PDE5A: variants seen among roughly 807,000 people sequenced by gnomAD.
PDE5A encodes the protein cGMP-specific 3',5'-cyclic phosphodiesterase.
Under a neutral mutation model 110.2 loss-of-function variants are expected in PDE5A, and 67 were observed. That is an observed-to-expected ratio of 0.61 (90% CI 0.50 to 0.75). The LOEUF is 0.75. Among genes scored for constraint, PDE5A ranks in the 30% least tolerant of loss-of-function variants. The probability of loss-of-function intolerance (pLI) is 0.00; values close to 1 mark genes in which losing one functional copy is unlikely to be tolerated. For synonymous variants in PDE5A, 328 were observed against 351.2 expected (o/e 0.93, Z 0.74); for missense variants, 862 against 1,045.1 (o/e 0.82, Z 2.42).
In PDE5A at chr4:119,627,235, A is replaced by T; in HGVS notation, c.152+1285T>A. The T allele has an allele frequency of 6.2e-7, 1 of 1,607,858 alleles. No individual in the cohort carries two copies. The highest frequency in any genetic ancestry group is 8.5e-7 in the Non-Finnish European group (1 of 1,176,758). The stretch of plus-strand genomic sequence containing the variant: ...GATCCTGGACTCCAGGAGGCTCCGT[A>T]GGGGCAACAACGCGCGCAGGTGAGG... On this transcript the variant is annotated intron_variant, in intron 1 of 20. Transcript: ENST00000354960. This position sits in a 1 kb window ranked among gnomAD's most constrained non-coding sequence, Gnocchi z 4.6.
rs748084595 is a variant in PDE5A at position 119,497,406 on chromosome 4, A to T, written c.*1195T>A. The T allele has an allele frequency of 6.6e-6, 1 of 152,146 alleles. No individual in the cohort carries two copies. Among genetic ancestry groups the T allele is most frequent in the Non-Finnish European group, 1.5e-5 (1 of 68,024 alleles). 9.4% of individuals were successfully genotyped at this position (152,146 alleles called of 1,614,324 possible). On this transcript the variant is annotated 3_prime_UTR_variant, in exon 21 of 21. Transcript: ENST00000354960. ...TCTAAGAAAATATTAACTATACTAAATGTTATGGGAAGAAAATACATTGAA... is the reference window on the plus strand; with the variant it reads ...TCTAAGAAAATATTAACTATACTAATTGTTATGGGAAGAAAATACATTGAA...
chr4:119,614,677 C>T lies in PDE5A; in HGVS notation c.153-7380G>A, dbSNP rs542309741. Among the ~76,000 whole-genome samples the T allele has an allele frequency of 5.5e-4, 84 of 152,248 alleles. 1 individual carries two copies. In the South Asian group the frequency reaches 0.016, roughly 28 times the overall value. ...CCTTAAATCAAGTTCATTCATTTTG[C>T]TCTAAAACCATCCCACATAATGTAT... On this transcript the variant is annotated intron_variant, in intron 1 of 20. Transcript: ENST00000354960.
rs1730372305 is a variant in PDE5A at position 119,627,041 on chromosome 4, T to C, written c.152+1479A>G. 4.1e-6 allele frequency: 5 copies of C among 1,232,282 alleles called. No individual in the cohort carries two copies. The highest frequency in any genetic ancestry group is 5.9e-6 in the Non-Finnish European group (5 of 852,240). The allele number at this position is 1,232,282 out of a possible 1,614,324, so 76.3% of individuals were successfully genotyped here. On this transcript the variant is annotated intron_variant, in intron 1 of 20. Coordinates refer to ENST00000354960, the MANE Select transcript of PDE5A (RefSeq NM_001083.4). The surrounding 1 kb of genome is among the most constrained non-coding windows in gnomAD (Gnocchi z 4.6). ...CAAAAGTTATACAGTCAATTTTCAATGATACATCGTCCCACTGGTGCCACC... is the reference window on the plus strand; with the variant it reads ...CAAAAGTTATACAGTCAATTTTCAACGATACATCGTCCCACTGGTGCCACC...
chr4:119,510,428 TACAC>T (rs1329195351), intron 15 of PDE5A, among the ~76,000 whole-genome samples: 5 of 152,142 alleles, frequency 3.3e-5, no homozygotes, highest in African/African-American at 9.6e-5. Context: ...AGGTAATACA[TACAC>T]ACAGCCGACA....
chr4:119,538,932 A>T (rs769806108), intron 11 of PDE5A, 28 bp downstream of exon 11: 1 of 1,566,820 alleles, frequency 6.4e-7, no homozygotes, highest in Non-Finnish European at 8.8e-7. Flanking sequence ...TGTAATTAGT[A>T]ATTTTTAAAA....
At chr4:119,614,627 A>G (rs542812706) in intron 1 of PDE5A, among the ~76,000 whole-genome samples, 1 of 152,314 alleles carries the variant, frequency 6.6e-6, no homozygotes, top group East Asian at 1.9e-4. Context: ...CATAACTTGC[A>G]ATAAAACTAG....
At position 119,627,941 on chromosome 4, in the gene PDE5A, A is replaced by C; in HGVS notation, c.152+579T>G. 3.7e-6 allele frequency: 2 copies of C among 540,724 alleles called. No homozygotes were observed. Among genetic ancestry groups the C allele is most frequent in the Non-Finnish European group, 4.7e-6 (2 of 423,026 alleles). 33.5% of individuals were successfully genotyped at this position (540,724 alleles called of 1,614,324 possible). On this transcript the variant is annotated intron_variant, in intron 1 of 20. Coordinates refer to ENST00000354960, the MANE Select transcript of PDE5A (RefSeq NM_001083.4). This position sits in a 1 kb window ranked among gnomAD's most constrained non-coding sequence, Gnocchi z 4.6. ...CTTCGGCGGAAAAGCGAGTGAAAGGAGGCGCGCGGGACAAGCAGGAGACTG... is the reference window on the plus strand; with the variant it reads ...CTTCGGCGGAAAAGCGAGTGAAAGGCGGCGCGCGGGACAAGCAGGAGACTG...
At chr4:119,569,191 C>A (rs895474314) in intron 3 of PDE5A, among the ~76,000 whole-genome samples, 3 of 151,920 alleles carry the variant, frequency 2.0e-5, no homozygotes, top group African/African-American at 7.3e-5. Context: ...GCATGTACTA[C>A]CATGCCTGGT....
chr4:119,522,949 C>T (rs544194784), intron 12 of PDE5A, among the ~76,000 whole-genome samples: 3 of 151,474 alleles, frequency 2.0e-5, no homozygotes, highest in African/African-American at 7.3e-5. Context: ...AAGATGCCAC[C>T]GGAGAAAAAG....
Position 119,583,314 on chromosome 4 carries a change from G to C in PDE5A, c.831+13209C>G, listed in dbSNP as rs1728651951. On this transcript the variant is annotated intron_variant, in intron 3 of 20. Transcript: ENST00000354960. The stretch of plus-strand genomic sequence containing the variant: ...GCTAGCTTCTAACTTTTCTTCTGAA[G>C]CTTCCTTACCTCTCTCAGCCTTCAC... 2.6e-5 allele frequency among the ~76,000 whole-genome samples: 4 copies of C among 152,216 alleles called. 1 individual carries two copies. Among genetic ancestry groups the C allele is most frequent in the Admixed American group, 2.6e-4 (4 of 15,288 alleles).
chr4:119,557,181 A>G (rs1458962829), intron 7 of PDE5A, among the ~76,000 whole-genome samples: 1 of 152,182 alleles, frequency 6.6e-6, no homozygotes, highest in South Asian at 2.1e-4. Flanking sequence ...TTCTCACAGT[A>G]AATTTCAGCT....
At chr4:119,582,297 C>T (rs1728614447) in intron 3 of PDE5A, among the ~76,000 whole-genome samples, 1 of 152,214 alleles carries the variant, frequency 6.6e-6, no homozygotes, top group African/African-American at 2.4e-5. Context: ...CTTTGCTCAT[C>T]TATAAGAAGC....
chr4:119,545,447 A>T (rs1357909717), intron 9 of PDE5A, among the ~76,000 whole-genome samples: 1 of 152,218 alleles, frequency 6.6e-6, no homozygotes, highest in Non-Finnish European at 1.5e-5. Context: ...CCAAAAATAA[A>T]AGAGAACCAT....
chr4:119,532,886 T>G (rs1187042358), intron 11 of PDE5A, among the ~76,000 whole-genome samples: 2 of 152,168 alleles, frequency 1.3e-5, no homozygotes, highest in Non-Finnish European at 2.9e-5. Context: ...AAAGGCATTC[T>G]GCTTGCCTTA....
chr4:119,524,393 T>G (rs532921849), intron 12 of PDE5A, among the ~76,000 whole-genome samples: 1 of 152,258 alleles, frequency 6.6e-6, no homozygotes, highest in African/African-American at 2.4e-5. Context: ...TTAAATGGCA[T>G]GATATCCCTT....
intron 11 of PDE5A, among the ~76,000 whole-genome samples, chr4:119,528,031 CAAATT>C (rs1726389511): frequency 6.9e-6 from 1 of 144,284 alleles, no homozygotes; most frequent in Non-Finnish European, 1.5e-5. Context: ...GTTTTAATGT[CAAATT>C]AACCAAATAT....
At chr4:119,505,323 A>G (rs1157084381) in intron 17 of PDE5A, among the ~76,000 whole-genome samples, 1 of 151,832 alleles carries the variant, frequency 6.6e-6, no homozygotes, top group African/African-American at 2.4e-5. Context: ...GTCACTGGAA[A>G]TGTTATCTTT....
At chr4:119,533,995 A>G (rs1726639251) in intron 11 of PDE5A, among the ~76,000 whole-genome samples, 1 of 152,192 alleles carries the variant, frequency 6.6e-6, no homozygotes, top group African/African-American at 2.4e-5. Flanking sequence ...TAAGCTTATC[A>G]CTGGAAGTAA....
intron 11 of PDE5A, among the ~76,000 whole-genome samples, chr4:119,531,003 A>G (rs1409080613): frequency 1.3e-5 from 2 of 152,158 alleles, no homozygotes; most frequent in Non-Finnish European, 1.5e-5. Flanking sequence ...TGTCTTAATA[A>G]TCATTAAGAT....
Sources: allele counts gnomAD v4.1 joint callset (sites outside exome capture counted in the v4.1 genomes callset), GRCh38; gene constraint gnomAD v4.1.1; non-coding constraint Gnocchi (gnomAD v3.1); transcripts MANE v1.5; gene names NCBI Gene and HGNC (gene_info 2026-07-23, HGNC 2026-07-21).